Variants in SYNE1 observed in about 807,000 individuals in gnomAD.
SYNE1 encodes the protein spectrin repeat containing nuclear envelope protein 1.
SYNE1 carries 616 observed loss-of-function variants against 1,111.0 expected under a neutral mutation model. The observed-to-expected ratio is 0.55, with a 90% CI of 0.52 to 0.59. The LOEUF (loss-of-function observed/expected upper bound fraction) is 0.59, where lower values mean the gene tolerates loss of function less well. Ranked by LOEUF, SYNE1 falls within the 20% of genes least tolerant of loss-of-function variation. SYNE1 has a pLI of 0.00. For missense variants in SYNE1, 10,006 were observed against 10,417.0 expected, an observed-to-expected ratio of 0.96 and a Z score of 1.72; for synonymous variants, 3,855 against 3,825.8, an observed-to-expected ratio of 1.01 and a Z score of -0.28.
intron 73 of SYNE1, 148 bp downstream of exon 73, chr6:152,346,911 G>A (rs2096647324): frequency 1.1e-6 from 1 of 896,578 alleles, no homozygotes; most frequent in Non-Finnish European, 1.7e-6. Context: ...CATAGCAACT[G>A]TGAAATTTAT....
At chr6:152,635,599 T>C (rs2099704680) in intron 2 of SYNE1, among the ~76,000 whole-genome samples, 1 of 152,212 alleles carries the variant, frequency 6.6e-6, no homozygotes, top group African/African-American at 2.4e-5. Flanking sequence ...CTTTGCCTCA[T>C]TGAAAATTAT....
chr6:152,494,454 T>G lies in SYNE1; in HGVS notation c.939+4288A>C, dbSNP rs576965735. On this transcript the variant is annotated intron_variant, in intron 11 of 145. Coordinates refer to ENST00000367255, the MANE Select transcript of SYNE1 (RefSeq NM_182961.4). ...GTTCCTCACCCTGATCACACTTGGT[T>G]TATTGATGGCAGTTCCACCAGGCCT... Among the ~76,000 whole-genome samples the G allele has an allele frequency of 5.9e-5, 9 of 152,256 alleles. No individual in the cohort carries two copies. The South Asian group carries it at 1.9e-3, about 32-fold the overall frequency.
chr6:152,412,790 G>A (rs980314748), intron 42 of SYNE1, among the ~76,000 whole-genome samples: 7 of 151,290 alleles, frequency 4.6e-5, no homozygotes, highest in African/African-American at 1.7e-4. Flanking sequence ...AGTTAAGGCT[G>A]TCATGGTAGT....
intron 130 of SYNE1, among the ~76,000 whole-genome samples, chr6:152,166,772 T>A (rs1349359627): frequency 6.6e-6 from 1 of 152,208 alleles, no homozygotes; most frequent in Non-Finnish European, 1.5e-5. Context: ...AAATTGTGTT[T>A]TTACTACAAA....
rs1227718638 is a variant in SYNE1 at position 152,376,869 on chromosome 6, T to G, written c.9053A>C (p.Asp3018Ala). Residue 3018 changes from aspartate to alanine, a missense_variant, in exon 57 of 146, where the codon GAT (aspartate) becomes GCT (alanine). Transcript: ENST00000367255. ...AAGTTCATTCAGCTGAGACTTGAGA[T>G]CCTCTGTTCTAGGCTCTGCTTTTTG... ...ALQKAEPRTE[D>A]LKSQLNELCR... 1 of 1,613,998 alleles carries G rather than the reference T, an allele frequency of 6.2e-7. No individual in the cohort carries two copies. Among genetic ancestry groups the G allele is most frequent in the South Asian group, 1.1e-5 (1 of 91,086 alleles).
chr6:152,511,208 G>A, intron 6 of SYNE1, 105 bp from the exon 7 acceptor site: 2 of 1,003,904 alleles, frequency 2.0e-6, no homozygotes, highest in Admixed American at 1.8e-5. Flanking sequence ...ATTTGATCAT[G>A]CCTATGTAAT....
At chr6:152,256,316 G>C (rs1016711109) in intron 102 of SYNE1, among the ~76,000 whole-genome samples, 1 of 151,816 alleles carries the variant, frequency 6.6e-6, no homozygotes, top group Admixed American at 6.6e-5. Context: ...TGTAGTCCCA[G>C]CTATTCGGGA....
chr6:152,355,009 A>C (rs1358796752), intron 66 of SYNE1, 33 bp from the exon 67 acceptor site: 2 of 1,609,534 alleles, frequency 1.2e-6, no homozygotes, highest in Non-Finnish European at 1.7e-6. Context: ...GTCACTCTCA[A>C]TCATATTTCA....
At chr6:152,450,464 C>G (rs573593223) in intron 27 of SYNE1, among the ~76,000 whole-genome samples, 161 bp downstream of exon 27, 2 of 152,200 alleles carry the variant, frequency 1.3e-5, no homozygotes, top group East Asian at 1.9e-4. Context: ...GTGCCTCACC[C>G]TGATTCTGAC....
intron 28 of SYNE1, 41 bp from the exon 29 acceptor site, chr6:152,447,663 T>G (rs752654383): frequency 9.9e-6 from 16 of 1,612,544 alleles, no homozygotes; most frequent in Non-Finnish European, 1.4e-5. Context: ...AGTGCAATTG[T>G]GAAATCATAA....
intron 133 of SYNE1, among the ~76,000 whole-genome samples, chr6:152,152,687 T>A (rs1285866740): frequency 6.6e-6 from 1 of 152,192 alleles, no homozygotes; most frequent in African/African-American, 2.4e-5. Context: ...TTGCAAAAGG[T>A]CTTCCAAAAA....
Position 152,176,534 on chromosome 6 carries a change from A to C in SYNE1, c.23487T>G (p.Ala7829=). The C allele has an allele frequency of 6.2e-7, 1 of 1,613,924 alleles. No individual in the cohort carries two copies. Among genetic ancestry groups the C allele is most frequent in the Non-Finnish European group, 8.5e-7 (1 of 1,179,886 alleles). ...GTTGGAGCTGTATTTTGTTCTCTTG[A>C]GCAATAGCAATTTCCTCTTGATAAT... ...KKDYQEEIAI[A]QENKIQLQQM... Residue 7829 remains alanine, a synonymous_variant, in exon 130 of 146, where the codon GCT becomes GCG. Coordinates refer to ENST00000367255, the MANE Select transcript of SYNE1 (RefSeq NM_182961.4).
intron 10 of SYNE1, among the ~76,000 whole-genome samples, chr6:152,502,394 G>A (rs1202927046): frequency 6.6e-6 from 1 of 152,150 alleles, no homozygotes; most frequent in Non-Finnish European, 1.5e-5. Context: ...CTCAGTTTTA[G>A]TGTACCAGCA....
intron 54 of SYNE1, among the ~76,000 whole-genome samples, chr6:152,386,640 T>C (rs575455777): frequency 2.0e-5 from 3 of 152,230 alleles, no homozygotes; most frequent in African/African-American, 7.2e-5. Context: ...CTTTGGAAAA[T>C]AGAAACCGTT....
At chr6:152,593,332 C>G (rs2099572164) in intron 3 of SYNE1, among the ~76,000 whole-genome samples, 1 of 152,068 alleles carries the variant, frequency 6.6e-6, no homozygotes, top group African/African-American at 2.4e-5. Flanking sequence ...TGCCTGTAAT[C>G]CCAGCACTTT....
intron 58 of SYNE1, among the ~76,000 whole-genome samples, chr6:152,374,539 C>A (rs754872040): frequency 6.6e-6 from 1 of 152,064 alleles, no homozygotes; most frequent in Non-Finnish European, 1.5e-5. Flanking sequence ...TTTGAGAGGC[C>A]GAGGCGGGCA....
At chr6:152,605,009 AG>A (rs1224577121) in intron 3 of SYNE1, among the ~76,000 whole-genome samples, 183 of 17,910 alleles carry the variant, frequency 0.01, 1 homozygote, top group African/African-American at 0.03. Context: ...AGAAAGAAAG[AG>A]AGAGAGAGAG....
intron 5 of SYNE1, among the ~76,000 whole-genome samples, chr6:152,521,932 A>G (rs1192603944): frequency 6.6e-6 from 1 of 152,088 alleles, no homozygotes; most frequent in Non-Finnish European, 1.5e-5. Context: ...CCCTGTGTCT[A>G]AAACATATTC....
At chr6:152,135,057 A>G in intron 142 of SYNE1, 47 bp downstream of exon 142, 1 of 1,613,762 alleles carries the variant, frequency 6.2e-7, no homozygotes, top group Non-Finnish European at 8.5e-7. Flanking sequence ...AATGAAATGC[A>G]ACCCTGCTAA....
Sources: gnomAD v4.1 joint callset for allele counts (sites outside exome capture counted in the v4.1 genomes callset) on GRCh38, gnomAD v4.1.1 for gene constraint, MANE v1.5 for transcripts, NCBI Gene and HGNC (gene_info 2026-07-23, HGNC 2026-07-21) for gene names.